ATP2C1: variants seen among roughly 807,000 people sequenced by gnomAD.
The protein encoded by ATP2C1 is calcium-transporting ATPase type 2C member 1.
ATP2C1 carries 31 observed loss-of-function variants against 120.5 expected under a neutral mutation model. The observed-to-expected ratio is 0.26, with a 90% CI of 0.19 to 0.35. The LOEUF (loss-of-function observed/expected upper bound fraction) is 0.35, where lower values mean the gene tolerates loss of function less well. Ranked by LOEUF, ATP2C1 falls within the 10% of genes least tolerant of loss-of-function variation. The pLI, the probability that ATP2C1 is intolerant of heterozygous loss-of-function variation, is 1.00. For synonymous variants in ATP2C1, 351 were observed against 358.7 expected (o/e 0.98, Z 0.24); for missense variants, 731 against 1,107.5 (o/e 0.66, Z 4.83).
intron 2 of ATP2C1, among the ~76,000 whole-genome samples, chr3:130,913,170 A>G (rs966984719): frequency 1.2e-4 from 18 of 150,894 alleles, no homozygotes; most frequent in African/African-American, 4.4e-4. Context: ...TGGGTGCAGC[A>G]CACCAGCATG....
chr3:130,925,123 G>A (rs967437933), intron 2 of ATP2C1, among the ~76,000 whole-genome samples: 5 of 152,120 alleles, frequency 3.3e-5, no homozygotes, highest in African/African-American at 4.8e-5. Flanking sequence ...GAGCTGGTAC[G>A]ATCTTTTGGT....
At chr3:130,924,768 T>A (rs117749094) in intron 2 of ATP2C1, among the ~76,000 whole-genome samples, 2,124 of 152,198 alleles carry the variant, frequency 0.014, 30 homozygotes, top group East Asian at 0.075. Flanking sequence ...TTATTTTTTT[T>A]AAAATAATTT....
At chr3:130,881,522 C>A (rs1002934938) in intron 1 of ATP2C1, among the ~76,000 whole-genome samples, 1 of 152,086 alleles carries the variant, frequency 6.6e-6, no homozygotes, top group South Asian at 2.1e-4. Context: ...CCATGCCCAG[C>A]TAGTTTTTAA....
chr3:130,987,843 C>T (rs965511438), intron 20 of ATP2C1, among the ~76,000 whole-genome samples: 4 of 152,152 alleles, frequency 2.6e-5, no homozygotes, highest in African/African-American at 9.7e-5. Flanking sequence ...TGAAGTGTTG[C>T]TATGTACTTT....
At chr3:130,887,015 G>A (rs1201734354) in intron 1 of ATP2C1, among the ~76,000 whole-genome samples, 1 of 152,176 alleles carries the variant, frequency 6.6e-6, no homozygotes, top group Non-Finnish European at 1.5e-5. Flanking sequence ...CTAGGGTATT[G>A]TGGTCTAAGC....
At chr3:130,919,062 G>A (rs76914621) in intron 2 of ATP2C1, 12,853 of 495,296 alleles carry the variant, frequency 0.026, 1,270 homozygotes, top group African/African-American at 0.22. Context: ...CCTCTTCTGC[G>A]TGGTGCACGG....
intron 1 of ATP2C1, among the ~76,000 whole-genome samples, chr3:130,867,731 G>A (rs1188606547): frequency 8.1e-6 from 1 of 123,930 alleles, no homozygotes; most frequent in Non-Finnish European, 1.7e-5. Flanking sequence ...GAAGTGAGGA[G>A]CGTCTCTGCT....
Position 130,955,022 on chromosome 3 carries a change from T to C in ATP2C1, c.698T>C (p.Ile233Thr). ...VRCGKAKGVV[I>T]GTGENSEFGE... ...TGTTTTTCCCCTTAGGGTGTTGTCA[T>C]TGGAACAGGAGAAAATTCTGAATTT... The change falls in exon 10 of 28, where the codon ATT becomes ACT. Residue 233 changes from isoleucine (I) to threonine (T), a missense_variant. Transcript: ENST00000510168. 1 of 1,612,416 alleles carries C rather than the reference T, an allele frequency of 6.2e-7. No individual in the cohort carries two copies. Among genetic ancestry groups the C allele is most frequent in the Non-Finnish European group, 8.5e-7 (1 of 1,178,746 alleles).
intron 24 of ATP2C1, 101 bp downstream of exon 24, chr3:130,996,897 T>G: frequency 2.3e-6 from 2 of 851,196 alleles, no homozygotes; most frequent in Non-Finnish European, 4.0e-6. Context: ...TGGAAAACTT[T>G]GCAGCAAATG....
At chr3:130,879,791 A>G (rs1253348941) in intron 1 of ATP2C1, among the ~76,000 whole-genome samples, 2 of 152,042 alleles carry the variant, frequency 1.3e-5, no homozygotes, top group African/African-American at 4.8e-5. Flanking sequence ...TCTCTGTATA[A>G]TTTCTTTGGC....
chr3:130,932,997 G>A (rs751275944), intron 4 of ATP2C1, among the ~76,000 whole-genome samples: 3 of 152,138 alleles, frequency 2.0e-5, no homozygotes, highest in Non-Finnish European at 4.4e-5. Flanking sequence ...TTATTTATAT[G>A]TGTCTTTGTA....
At chr3:130,915,390 G>A (rs1462781529) in intron 2 of ATP2C1, among the ~76,000 whole-genome samples, 2 of 152,008 alleles carry the variant, frequency 1.3e-5, no homozygotes, top group African/African-American at 2.4e-5. Flanking sequence ...TACTGCGCCC[G>A]GCCTAATTCA....
intron 2 of ATP2C1, among the ~76,000 whole-genome samples, chr3:130,897,966 A>G (rs1179939179): frequency 6.6e-6 from 1 of 152,216 alleles, no homozygotes; most frequent in East Asian, 1.9e-4. Flanking sequence ...TGCACAAGTA[A>G]ACAGCTCTTA....
At chr3:130,968,508 G>A (rs539553015) in intron 16 of ATP2C1, among the ~76,000 whole-genome samples, 2 of 152,264 alleles carry the variant, frequency 1.3e-5, no homozygotes, top group Non-Finnish European at 2.9e-5. Flanking sequence ...GATGAGATAA[G>A]CTAGGGAATG....
chr3:131,000,123 A>G (rs1015302111), intron 27 of ATP2C1, among the ~76,000 whole-genome samples: 4 of 152,334 alleles, frequency 2.6e-5, no homozygotes, highest in South Asian at 4.1e-4. Context: ...TGTTTTATAA[A>G]GACTATTTGG....
chr3:130,886,967 C>T (rs2068989951), intron 1 of ATP2C1, among the ~76,000 whole-genome samples: 1 of 152,102 alleles, frequency 6.6e-6, no homozygotes, highest in Non-Finnish European at 1.5e-5. Flanking sequence ...TGTTTGTGCC[C>T]ATCCTCCTTG....
At chr3:130,985,154 A>G (rs1017638420) in intron 20 of ATP2C1, among the ~76,000 whole-genome samples, 1 of 152,242 alleles carries the variant, frequency 6.6e-6, no homozygotes, top group African/African-American at 2.4e-5. Context: ...TACAAAGTCA[A>G]CATTGTGATC....
intron 2 of ATP2C1, among the ~76,000 whole-genome samples, chr3:130,923,886 A>G (rs1274352027): frequency 6.8e-6 from 1 of 147,462 alleles, no homozygotes; most frequent in African/African-American, 2.5e-5. Flanking sequence ...AAAAAAAAGG[A>G]TAACTACCTT....
chr3:130,993,867 C>T, intron 21 of ATP2C1, 65 bp from the exon 22 acceptor site: 1 of 1,553,410 alleles, frequency 6.4e-7, no homozygotes, highest in Non-Finnish European at 8.9e-7. Flanking sequence ...TTGTTTATCG[C>T]TTTGTATGGA....
Sources: gnomAD v4.1 joint callset for allele counts (sites outside exome capture counted in the v4.1 genomes callset) on GRCh38, gnomAD v4.1.1 for gene constraint, MANE v1.5 for transcripts, NCBI Gene and HGNC (gene_info 2026-07-23, HGNC 2026-07-21) for gene names.